Variants in PTPRM observed in about 807,000 individuals in gnomAD.
The protein encoded by PTPRM is receptor-type tyrosine-protein phosphatase mu.
PTPRM carries 47 observed loss-of-function variants against 186.7 expected under a neutral mutation model. That is an observed-to-expected ratio of 0.25 (90% confidence interval 0.20 to 0.32). PTPRM has a LOEUF of 0.32. PTPRM is among the 10% of genes least tolerant of loss of function. The probability of loss-of-function intolerance (pLI) is 1.00; values close to 1 mark genes in which losing one functional copy is unlikely to be tolerated. For synonymous variants in PTPRM, 668 were observed against 674.9 expected (o/e 0.99, Z 0.16); for missense variants, 1,494 against 1,865.0 (o/e 0.80, Z 3.66).
At chr18:8,254,264 C>T (rs938114289) in intron 19 of PTPRM, among the ~76,000 whole-genome samples, 8 of 152,188 alleles carry the variant, frequency 5.3e-5, no homozygotes, top group Non-Finnish European at 1.2e-4. Context: ...ACATAAAATA[C>T]AGGGCTTACC....
chr18:8,086,910 A>G (rs904522822), intron 10 of PTPRM, among the ~76,000 whole-genome samples: 2 of 152,114 alleles, frequency 1.3e-5, no homozygotes, highest in Non-Finnish European at 2.9e-5. Flanking sequence ...TTCTGTGTAT[A>G]GAATTAGGTT....
rs1344894752 is a variant in PTPRM, at chr18:8,113,661, A to G, written c.2032A>G (p.Ile678Val). The G allele has an allele frequency of 1.2e-6, 2 of 1,613,772 alleles. No individual in the cohort carries two copies. The highest frequency in any genetic ancestry group is 2.2e-5 in the East Asian group (1 of 44,876). The change falls in exon 12 of 33, where the codon ATT (isoleucine) becomes GTT (valine). Residue 678 changes from isoleucine to valine, a missense_variant. By Grantham distance (29) the Ile-to-Val change is conservative (BLOSUM62 3). Coordinates refer to ENST00000580170, the MANE Select transcript of PTPRM (RefSeq NM_001105244.2). ...DSLQAAQPFT[I>V]GDNKTYNGYW... is the part of the protein sequence containing the mutation. The stretch of plus-strand genomic sequence containing the variant: ...CCTCCAAGCTGCGCAGCCTTTTACA[A>G]TTGGTGATAATAAGACATATAATGG...
At chr18:8,238,660 T>TTTTG (rs2094378119) in intron 14 of PTPRM, among the ~76,000 whole-genome samples, 1 of 135,166 alleles carries the variant, frequency 7.4e-6, no homozygotes, top group African/African-American at 2.7e-5. Flanking sequence ...TGTTTTTTTT[T>TTTTG]TTTTTTTTTT....
chr18:8,008,878 G>A (rs1600041142), intron 7 of PTPRM, among the ~76,000 whole-genome samples: 1 of 152,304 alleles, frequency 6.6e-6, no homozygotes, highest in East Asian at 1.9e-4. Flanking sequence ...TGACCATTTG[G>A]AGTTCAGAGT....
chr18:8,250,457 G>T (rs920503420), intron 17 of PTPRM, among the ~76,000 whole-genome samples: 5 of 151,844 alleles, frequency 3.3e-5, no homozygotes, highest in Non-Finnish European at 5.9e-5. Flanking sequence ...TATTTCTAAT[G>T]TGCTCTTCTG....
chr18:8,301,037 C>A (rs1725804299), intron 20 of PTPRM, among the ~76,000 whole-genome samples: 1 of 152,158 alleles, frequency 6.6e-6, no homozygotes, highest in Admixed American at 6.5e-5. Flanking sequence ...GTAGAAAAGT[C>A]AGTTCCACTG....
chr18:7,730,664 C>T (rs945385602), intron 1 of PTPRM, among the ~76,000 whole-genome samples: 3 of 152,068 alleles, frequency 2.0e-5, no homozygotes, highest in Non-Finnish European at 2.9e-5. Context: ...AATTTCTATA[C>T]CAGTGCCTCA....
At chr18:8,338,783 G>A (rs1482937149) in intron 22 of PTPRM, among the ~76,000 whole-genome samples, 1 of 152,196 alleles carries the variant, frequency 6.6e-6, no homozygotes, top group Non-Finnish European at 1.5e-5. Context: ...ATGCCAATTT[G>A]TACTTATATT....
chr18:8,316,191 GT>G (rs2148041051), intron 21 of PTPRM, among the ~76,000 whole-genome samples: 1 of 152,270 alleles, frequency 6.6e-6, no homozygotes, highest in East Asian at 1.9e-4. Flanking sequence ...AGGGGACACC[GT>G]TCACACTCCA....
chr18:8,335,705 G>A (rs1428526942), intron 22 of PTPRM, among the ~76,000 whole-genome samples: 6 of 152,116 alleles, frequency 3.9e-5, no homozygotes, highest in African/African-American at 9.7e-5. Context: ...GGCTCTCCTC[G>A]AAAGCATTCT....
chr18:8,065,587 C>A (rs940359383), intron 7 of PTPRM, among the ~76,000 whole-genome samples: 2 of 152,110 alleles, frequency 1.3e-5, no homozygotes, highest in Non-Finnish European at 2.9e-5. Flanking sequence ...GTCATGATAC[C>A]CTTTCAGGGA....
At chr18:7,951,548 G>A (rs1407777871) in intron 6 of PTPRM, among the ~76,000 whole-genome samples, 1 of 152,038 alleles carries the variant, frequency 6.6e-6, no homozygotes, top group Admixed American at 6.6e-5. Flanking sequence ...TCATATTTGT[G>A]CACCACATTT....
At chr18:8,285,480 G>C (rs1284049944) in intron 19 of PTPRM, among the ~76,000 whole-genome samples, 1 of 152,212 alleles carries the variant, frequency 6.6e-6, no homozygotes, top group Admixed American at 6.5e-5. Context: ...AAGCTGTGCT[G>C]AATTGCAGGT....
intron 7 of PTPRM, among the ~76,000 whole-genome samples, chr18:8,045,322 T>C (rs1191000536): frequency 6.6e-6 from 1 of 152,230 alleles, no homozygotes; most frequent in African/African-American, 2.4e-5. Context: ...TACTCCAGCC[T>C]GAGTGACAAT....
chr18:7,882,410 T>G (rs2048556592), intron 2 of PTPRM, among the ~76,000 whole-genome samples: 2 of 152,126 alleles, frequency 1.3e-5, no homozygotes, highest in Non-Finnish European at 2.9e-5. Flanking sequence ...TGTATCTGCA[T>G]AGGTCAGATG....
intron 7 of PTPRM, among the ~76,000 whole-genome samples, chr18:7,973,217 A>AT (rs778168293): frequency 6.6e-6 from 1 of 152,074 alleles, no homozygotes; most frequent in Non-Finnish European, 1.5e-5. Flanking sequence ...ATAGTATACA[A>AT]TTATTTCGAT....
intron 23 of PTPRM, among the ~76,000 whole-genome samples, chr18:8,363,811 G>A (rs539632933): frequency 6.6e-5 from 10 of 152,324 alleles, no homozygotes; most frequent in African/African-American, 2.2e-4. Flanking sequence ...CAGATTTCTC[G>A]TGTGGTTTGT....
intron 14 of PTPRM, among the ~76,000 whole-genome samples, chr18:8,210,977 A>G (rs2093995679): frequency 6.6e-6 from 1 of 152,238 alleles, no homozygotes; most frequent in Non-Finnish European, 1.5e-5. Context: ...CTACTGGCAC[A>G]TTATGTAAGG....
intron 20 of PTPRM, among the ~76,000 whole-genome samples, chr18:8,306,117 G>A (rs924390808): frequency 5.9e-5 from 9 of 151,928 alleles, no homozygotes; most frequent in African/African-American, 1.5e-4. Context: ...GGCTGGTCTC[G>A]AACTCCCGAC....
Sources: allele counts gnomAD v4.1 joint callset (sites outside exome capture counted in the v4.1 genomes callset), GRCh38; gene constraint gnomAD v4.1.1; transcripts MANE v1.5; gene names NCBI Gene and HGNC (gene_info 2026-07-23, HGNC 2026-07-21).